The following SLIT3 variants were observed in gnomAD, a reference collection of about 807,000 sequenced individuals.
The protein encoded by SLIT3 is slit homolog 3 protein.
In SLIT3, 68 loss-of-function variants were observed where a neutral mutation model predicts 184.0. That is an observed-to-expected ratio of 0.37 (90% confidence interval 0.30 to 0.45). SLIT3 has a LOEUF of 0.45. Among genes scored for constraint, SLIT3 ranks in the 20% least tolerant of loss-of-function variants. The probability of loss-of-function intolerance (pLI) is 1.00; values close to 1 mark genes in which losing one functional copy is unlikely to be tolerated. For missense variants in SLIT3, 1,707 were observed against 2,026.0 expected, an observed-to-expected ratio of 0.84 and a Z score of 3.02; for synonymous variants, 831 against 828.6, an observed-to-expected ratio of 1.00 and a Z score of -0.05.
At chr5:168,877,334 A>G (rs571863421) in intron 5 of SLIT3, among the ~76,000 whole-genome samples, 75 of 152,216 alleles carry the variant, frequency 4.9e-4, no homozygotes, top group Middle Eastern at 3.4e-3. Flanking sequence ...ATCTTATGTT[A>G]AGGGAGCAGC....
chr5:169,010,473 A>AT (rs1197163260), intron 4 of SLIT3, among the ~76,000 whole-genome samples: 1 of 152,156 alleles, frequency 6.6e-6, no homozygotes, highest in Non-Finnish European at 1.5e-5. Flanking sequence ...GGTGTCCTGT[A>AT]TTTTTATTTG....
At chr5:169,048,660 C>T (rs1268355277) in intron 4 of SLIT3, among the ~76,000 whole-genome samples, 1 of 152,204 alleles carries the variant, frequency 6.6e-6, no homozygotes, top group Non-Finnish European at 1.5e-5. Context: ...AAAGCAACAT[C>T]ATACCCAAGT....
At chr5:169,129,947 C>G (rs1045613998) in intron 4 of SLIT3, among the ~76,000 whole-genome samples, 1 of 152,086 alleles carries the variant, frequency 6.6e-6, no homozygotes, top group South Asian at 2.1e-4. Flanking sequence ...CTCCTGGGTT[C>G]GAGCGATTCT....
intron 27 of SLIT3, among the ~76,000 whole-genome samples, chr5:168,699,966 G>A (rs1234015946): frequency 6.6e-6 from 1 of 152,188 alleles, no homozygotes; most frequent in Non-Finnish European, 1.5e-5. Flanking sequence ...ACGAGGTTGG[G>A]ACCTGGTTTC....
chr5:169,227,075 C>T (rs1410386093), intron 3 of SLIT3, among the ~76,000 whole-genome samples: 1 of 152,124 alleles, frequency 6.6e-6, no homozygotes, highest in African/African-American at 2.4e-5. Context: ...AACCACAGGT[C>T]TACAAGATAA....
chr5:168,962,759 G>A (rs1763061106), intron 4 of SLIT3, among the ~76,000 whole-genome samples: 1 of 123,224 alleles, frequency 8.1e-6, no homozygotes, highest in African/African-American at 4.0e-5. Flanking sequence ...TGAAAGGTGG[G>A]CGCAGTGGCT....
chr5:168,737,130 C>G (rs757204952), intron 20 of SLIT3, among the ~76,000 whole-genome samples: 5 of 152,118 alleles, frequency 3.3e-5, no homozygotes, highest in Non-Finnish European at 7.4e-5. Context: ...CTGGATTCCT[C>G]TCTTCCCAGA....
intron 4 of SLIT3, among the ~76,000 whole-genome samples, chr5:169,095,155 C>A (rs1759731589): frequency 2.0e-5 from 3 of 152,216 alleles, no homozygotes; most frequent in African/African-American, 7.2e-5. Context: ...CAAGGCAAAC[C>A]CTTGTCTCAA....
chr5:168,783,025 G>C (rs962367961), intron 12 of SLIT3, among the ~76,000 whole-genome samples: 2 of 152,204 alleles, frequency 1.3e-5, no homozygotes, highest in Non-Finnish European at 2.9e-5. Context: ...CTTCCAACTA[G>C]GCAGTGAGGA....
Position 169,233,169 on chromosome 5 carries a change from G to A in SLIT3, c.341+11536C>T, listed in dbSNP as rs141314594. Among the ~76,000 whole-genome samples, 1,443 of 152,200 alleles carry A rather than the reference G, an allele frequency of 9.5e-3. 31 individuals carry two copies. The highest frequency in any genetic ancestry group is 0.033 in the African/African-American group (1,364 of 41,536). Reference sequence around the variant, plus strand: ...GCCTCCCGAGTAGCTGGGACTACAGGTGCGCACCACCACGCCCAGCTAATT... The same window carrying A: ...GCCTCCCGAGTAGCTGGGACTACAGATGCGCACCACCACGCCCAGCTAATT... On this transcript the variant is annotated intron_variant, in intron 3 of 35. Coordinates refer to ENST00000519560, the MANE Select transcript of SLIT3 (RefSeq NM_003062.4).
rs919615922 is a variant in SLIT3, at chr5:169,090,978, C to T, written c.413+102501G>A. 3.3e-5 allele frequency among the ~76,000 whole-genome samples: 5 copies of T among 152,212 alleles called. No homozygotes were observed. The South Asian group carries it at 6.2e-4, about 19-fold the overall frequency. On this transcript the variant is annotated intron_variant, in intron 4 of 35. Coordinates refer to ENST00000519560, the MANE Select transcript of SLIT3 (RefSeq NM_003062.4). ...AAAACAGCATCCCTGGCTTCTGTCC[C>T]GTGCCCATTGTCCTTTCATGCTGAA...
At chr5:168,847,762 CT>C (rs1367701444) in intron 5 of SLIT3, among the ~76,000 whole-genome samples, 2 of 152,174 alleles carry the variant, frequency 1.3e-5, no homozygotes, top group African/African-American at 4.8e-5. Flanking sequence ...CACAGAGAAC[CT>C]TCCGAAGCTG....
At chr5:168,815,179 G>A (rs915018227) in intron 8 of SLIT3, among the ~76,000 whole-genome samples, 10 of 152,240 alleles carry the variant, frequency 6.6e-5, no homozygotes, top group African/African-American at 2.4e-4. Context: ...AGTTGATAAA[G>A]GTGCTCCCAC....
At chr5:169,169,543 A>T (rs1762752894) in intron 4 of SLIT3, among the ~76,000 whole-genome samples, 1 of 152,208 alleles carries the variant, frequency 6.6e-6, no homozygotes, top group Admixed American at 6.5e-5. Context: ...GGCCCTTGAG[A>T]TGTCAAACTG....
In SLIT3 at chr5:168,665,646, TAGTC is replaced by T. The variant is rs1366460965; in HGVS notation, c.*804_*807del. 1 of 152,306 alleles carries T rather than the reference TAGTC, an allele frequency of 6.6e-6. No homozygotes were observed. Among genetic ancestry groups the T allele is most frequent in the African/African-American group, 2.4e-5 (1 of 41,412 alleles). The allele number at this position is 152,306 out of a possible 1,614,324, so 9.4% of individuals were successfully genotyped here. A position where few individuals can be genotyped will look rare whatever the true frequency, so the allele number is the denominator to read the frequency against. On this transcript the variant is annotated 3_prime_UTR_variant, in exon 36 of 36. Transcript: ENST00000519560. Reference sequence around the variant, plus strand: ...AAATGACACCTGTAGCAGACTTCAATAGTCAGTCCTCGATTGGAAGCCAGGGCCA... The same window carrying T: ...AAATGACACCTGTAGCAGACTTCAATAGTCCTCGATTGGAAGCCAGGGCCA...
At chr5:169,040,774 AG>A (rs1757422122) in intron 4 of SLIT3, among the ~76,000 whole-genome samples, 2 of 152,222 alleles carry the variant, frequency 1.3e-5, no homozygotes, top group Admixed American at 1.3e-4. Context: ...CCTTTTCGAA[AG>A]GAAAAAAAGG....
chr5:168,724,398 C>A lies in SLIT3; in HGVS notation c.2339+18G>T. 2 of 1,606,754 alleles carry A rather than the reference C, an allele frequency of 1.2e-6. No homozygotes were observed. The highest frequency in any genetic ancestry group is 1.7e-6 in the Non-Finnish European group (2 of 1,174,760). The stretch of plus-strand genomic sequence containing the variant: ...AGCAGGGAAAAATAAACATCCCACC[C>A]AATACTGGGCTCCTTACATAAGCGT... On this transcript the variant is annotated intron_variant, in intron 21 of 35. Coordinates refer to ENST00000519560, the MANE Select transcript of SLIT3 (RefSeq NM_003062.4).
Position 168,772,219 on chromosome 5 carries a change from G to A in SLIT3, c.1459+562C>T, listed in dbSNP as rs140988760. 336 of 151,900 alleles carry A rather than the reference G, an allele frequency of 2.2e-3. 1 individual carries two copies. The highest frequency in any genetic ancestry group is 3.6e-3 in the Non-Finnish European group (245 of 68,520). 9.4% of individuals were successfully genotyped at this position (151,900 alleles called of 1,614,324 possible). A position where few individuals can be genotyped will look rare whatever the true frequency, so the allele number is the denominator to read the frequency against. ...AGCACGACTCTTTACTGTTCTCTCC[G>A]TACTCAGAACACAGTAATCAGGGAT... On this transcript the variant is annotated intron_variant, in intron 14 of 35. Transcript: ENST00000519560.
chr5:169,146,586 C>T (rs111365456), intron 4 of SLIT3, among the ~76,000 whole-genome samples: 13 of 152,228 alleles, frequency 8.5e-5, no homozygotes, highest in African/African-American at 2.4e-4. Flanking sequence ...TCAGATCACC[C>T]GGCTCCTCCT....
Sources: allele counts gnomAD v4.1 joint callset (sites outside exome capture counted in the v4.1 genomes callset), GRCh38; gene constraint gnomAD v4.1.1; transcripts MANE v1.5; gene names NCBI Gene and HGNC (gene_info 2026-07-23, HGNC 2026-07-21).